Variants in SCYL2 observed in about 807,000 individuals in gnomAD.
SCYL2 encodes the protein SCY1 like pseudokinase 2.
Under a neutral mutation model 100.4 loss-of-function variants are expected in SCYL2, and 36 were observed. The ratio of observed to expected loss-of-function variants is 0.36; its 90% CI spans 0.27 to 0.47. SCYL2 has a LOEUF of 0.47. Ranked by LOEUF, SCYL2 falls within the 20% of genes least tolerant of loss-of-function variation. The pLI, the probability that SCYL2 is intolerant of heterozygous loss-of-function variation, is 1.00. For missense variants in SCYL2, 902 were observed against 1,083.9 expected (o/e 0.83, Z 2.36); for synonymous variants, 330 against 359.2 (o/e 0.92, Z 0.92).
chr12:100,279,478 T>C (rs1449058976), intron 1 of SCYL2, among the ~76,000 whole-genome samples: 2 of 152,236 alleles, frequency 1.3e-5, no homozygotes, highest in African/African-American at 4.8e-5. Context: ...TCTTGGCATG[T>C]CTGATAGTTG....
chr12:100,279,571 T>C (rs983656192), intron 1 of SCYL2, among the ~76,000 whole-genome samples: 4 of 152,248 alleles, frequency 2.6e-5, no homozygotes, highest in African/African-American at 9.6e-5. Flanking sequence ...TTCATGACTA[T>C]TGGGTTTTGT....
Position 100,335,653 on chromosome 12 carries a change from G to A in SCYL2, c.1891G>A (p.Val631Ile). ...TTTGGATATAGGAAATCAAATGAATGTTTCTGAGGAGATGAAAGTTACAAA... is the reference window on the plus strand; with the variant it reads ...TTTGGATATAGGAAATCAAATGAATATTTCTGAGGAGATGAAAGTTACAAA... The part of the protein sequence containing the change: ...KSLDIGNQMN[V>I]SEEMKVTNIG... The change falls in exon 15 of 18, where the codon GTT becomes ATT. Residue 631 changes from valine (V) to isoleucine (I), a missense_variant. Physicochemically the swap from Val to Ile is conservative, Grantham distance 29 (BLOSUM62 3). Transcript: ENST00000360820. 6 of 1,609,914 alleles carry A rather than the reference G, an allele frequency of 3.7e-6. No individual in the cohort carries two copies. Among genetic ancestry groups the A allele is most frequent in the Non-Finnish European group, 5.1e-6 (6 of 1,177,356 alleles).
chr12:100,316,308 A>C (rs1032778952), intron 9 of SCYL2, among the ~76,000 whole-genome samples: 4 of 152,238 alleles, frequency 2.6e-5, no homozygotes, highest in Non-Finnish European at 5.9e-5. Context: ...GTTGGATTTA[A>C]GAGCAGTAGA....
intron 3 of SCYL2, among the ~76,000 whole-genome samples, chr12:100,294,805 C>T (rs1325039989): frequency 1.3e-5 from 2 of 149,942 alleles, no homozygotes; most frequent in African/African-American, 4.9e-5. Flanking sequence ...GCTGACCCCC[C>T]CACCTCCCTC....
intron 1 of SCYL2, among the ~76,000 whole-genome samples, chr12:100,271,870 C>G (rs183627699): frequency 6.6e-6 from 1 of 152,252 alleles, no homozygotes; most frequent in Non-Finnish European, 1.5e-5. Context: ...TTCAGGAAGT[C>G]TTTGTTAAGC....
intron 10 of SCYL2, among the ~76,000 whole-genome samples, chr12:100,318,329 C>CTTTTTTTTTTTTTTTTT (rs1052095844): frequency 7.6e-6 from 1 of 130,950 alleles, no homozygotes; most frequent in Non-Finnish European, 1.6e-5. Context: ...TCTTTTCTTT[C>CTTTTTTTTTTTTTTTTT]TTTTTTTTTT....
chr12:100,289,614 G>A (rs1013510823), intron 2 of SCYL2, among the ~76,000 whole-genome samples: 1 of 152,146 alleles, frequency 6.6e-6, no homozygotes, highest in Non-Finnish European at 1.5e-5. Context: ...TGAAACTTTA[G>A]CTGTAGAGTG....
At chr12:100,270,660 A>T (rs1284068646) in intron 1 of SCYL2, among the ~76,000 whole-genome samples, 1 of 148,638 alleles carries the variant, frequency 6.7e-6, no homozygotes, top group East Asian at 2.0e-4. Context: ...ATTTACATAG[A>T]GACAGGGTCT....
chr12:100,309,616 T>C (rs918466232), intron 4 of SCYL2, among the ~76,000 whole-genome samples: 8 of 152,260 alleles, frequency 5.3e-5, no homozygotes, highest in Non-Finnish European at 1.2e-4. Flanking sequence ...GCAATTCATG[T>C]GTCCATTGAT....
At chr12:100,318,333 T>C (rs7315617) in intron 10 of SCYL2, among the ~76,000 whole-genome samples, 2,552 of 147,216 alleles carry the variant, frequency 0.017, 69 homozygotes, top group African/African-American at 0.061. Context: ...TTCTTTCTTT[T>C]TTTTTTTTTT....
chr12:100,321,544 C>G (rs2096355751), intron 10 of SCYL2, among the ~76,000 whole-genome samples: 1 of 152,206 alleles, frequency 6.6e-6, no homozygotes, highest in Non-Finnish European at 1.5e-5. Flanking sequence ...TATGGCACCA[C>G]ATTAGTTAAC....
chr12:100,284,454 A>G (rs922625595), intron 2 of SCYL2, among the ~76,000 whole-genome samples: 5 of 152,170 alleles, frequency 3.3e-5, no homozygotes, highest in East Asian at 1.9e-4. Context: ...GCCTCCTTCA[A>G]CTTGCAAGGG....
At chr12:100,335,959 C>A in intron 16 of SCYL2, 53 bp downstream of exon 16, 1 of 1,282,536 alleles carries the variant, frequency 7.8e-7, no homozygotes, top group Non-Finnish European at 1.1e-6. Flanking sequence ...GTAGGACTTC[C>A]TGTAAACCAC....
intron 1 of SCYL2, among the ~76,000 whole-genome samples, chr12:100,270,514 G>T (rs556627036): frequency 4.5e-4 from 68 of 151,860 alleles, no homozygotes; most frequent in Non-Finnish European, 8.1e-4. Context: ...TACATGGGCT[G>T]GAAGTAGCTT....
In SCYL2 at chr12:100,312,838, C is replaced by T. The variant is rs182295440; in HGVS notation, c.852+185C>T. On this transcript the variant is annotated intron_variant, in intron 6 of 17. Transcript: ENST00000360820. Reference sequence around the variant, plus strand: ...AAATTTATAAGTAACGCAGACTAGGCCAGGTGCTCTGGCTCACGCCTGTAA... The same window carrying T: ...AAATTTATAAGTAACGCAGACTAGGTCAGGTGCTCTGGCTCACGCCTGTAA... 4.8e-3 allele frequency among the ~76,000 whole-genome samples: 738 copies of T among 152,282 alleles called. 3 individuals carry two copies. Among genetic ancestry groups the T allele is most frequent in the Non-Finnish European group, 7.7e-3 (525 of 68,028 alleles).
In SCYL2 at chr12:100,326,604, A is replaced by G. The variant is rs367875666; in HGVS notation, c.1510-18A>G. The G allele has an allele frequency of 8.3e-5, 130 of 1,557,274 alleles. No individual in the cohort carries two copies. The highest frequency in any genetic ancestry group is 1.0e-4 in the Non-Finnish European group (117 of 1,156,712). On this transcript the variant is annotated intron_variant, in intron 11 of 17. Coordinates refer to ENST00000360820, the MANE Select transcript of SCYL2 (RefSeq NM_017988.6). ...TTGAAAACTTTTAATGACTAATGCA[A>G]TTTACCTCTTTTAATAGGTTCGTGT...
At chr12:100,310,988 T>C in intron 4 of SCYL2, 56 bp from the exon 5 acceptor site, 1 of 1,389,824 alleles carries the variant, frequency 7.2e-7, no homozygotes, top group Non-Finnish European at 9.5e-7. Context: ...GTGAGACATT[T>C]TATTATAATT....
chr12:100,293,802 C>G (rs1026827685), intron 3 of SCYL2, among the ~76,000 whole-genome samples: 3 of 152,118 alleles, frequency 2.0e-5, no homozygotes, highest in African/African-American at 7.2e-5. Flanking sequence ...CCATTTAACC[C>G]TGAGTGGACA....
chr12:100,338,402 C>A, intron 17 of SCYL2, 126 bp from the exon 18 acceptor site: 1 of 730,586 alleles, frequency 1.4e-6, no homozygotes, highest in Non-Finnish European at 2.1e-6. Flanking sequence ...CTATAGTTTG[C>A]TAATTTGGTG....
Sources: gnomAD v4.1 joint callset for allele counts (sites outside exome capture counted in the v4.1 genomes callset) on GRCh38, gnomAD v4.1.1 for gene constraint, MANE v1.5 for transcripts, NCBI Gene and HGNC (gene_info 2026-07-23, HGNC 2026-07-21) for gene names.